CRYL1: variants seen among roughly 807,000 people sequenced by gnomAD.
CRYL1 encodes the protein crystallin lambda 1, also known as lambda-crystallin homolog.
CRYL1 carries 29 observed loss-of-function variants against 36.6 expected under a neutral mutation model. The ratio of observed to expected loss-of-function variants is 0.79; its 90% confidence interval spans 0.59 to 1.08. The LOEUF is 1.08. Ranked by LOEUF, CRYL1 falls within the 50% of genes least tolerant of loss-of-function variation. The pLI is 0.00. For missense variants in CRYL1, 411 were observed against 407.9 expected, an observed-to-expected ratio of 1.01 and a Z score of -0.06; for synonymous variants, 152 against 151.5, an observed-to-expected ratio of 1.00 and a Z score of -0.02.
At chr13:20,449,434 A>G (rs1423748222) in intron 3 of CRYL1, among the ~76,000 whole-genome samples, 1 of 152,240 alleles carries the variant, frequency 6.6e-6, no homozygotes, top group Non-Finnish European at 1.5e-5. Flanking sequence ...AAGATAAAAT[A>G]GAACCATAAA....
chr13:20,477,515 C>T (rs1175023877), intron 3 of CRYL1, among the ~76,000 whole-genome samples: 2 of 150,632 alleles, frequency 1.3e-5, no homozygotes, highest in African/African-American at 2.4e-5. Flanking sequence ...TTTACATGGG[C>T]GTCCTGAGGA....
At chr13:20,522,911 C>CTTTTT (rs386378385) in intron 1 of CRYL1, among the ~76,000 whole-genome samples, 2,756 of 82,932 alleles carry the variant, frequency 0.033, 350 homozygotes, top group Middle Eastern at 0.048. Flanking sequence ...CCCATTTCTA[C>CTTTTT]TTTTTTTTTT....
At chr13:20,470,969 TA>T (rs986269277) in intron 3 of CRYL1, among the ~76,000 whole-genome samples, 12 of 147,088 alleles carry the variant, frequency 8.2e-5, no homozygotes, top group East Asian at 3.9e-4. Context: ...AATCTTTCTT[TA>T]AAAAAAAATA....
intron 5 of CRYL1, among the ~76,000 whole-genome samples, chr13:20,430,025 C>T (rs1051163916): frequency 3.3e-5 from 5 of 152,088 alleles, no homozygotes; most frequent in African/African-American, 7.2e-5. Flanking sequence ...CATGCTCCCT[C>T]TCTGCCAGCC....
At position 20,437,545 on chromosome 13, in the gene CRYL1, A is replaced by G. The variant is rs557458051; in HGVS notation, c.438+2048T>C. Among the ~76,000 whole-genome samples the G allele has an allele frequency of 3.9e-5, 6 of 152,192 alleles. No individual in the cohort carries two copies. The South Asian group carries it at 1.0e-3, about 26-fold the overall frequency. On this transcript the variant is annotated intron_variant, in intron 4 of 7. Transcript: ENST00000298248. ...GATGGTTTCGATCTCCTGACCTCCT[A>G]ATCCACCCACCTCGGCCTCCCAAAG...
At chr13:20,507,669 A>G (rs908359522) in intron 2 of CRYL1, among the ~76,000 whole-genome samples, 3 of 152,366 alleles carry the variant, frequency 2.0e-5, no homozygotes, top group Middle Eastern at 3.4e-3. Context: ...CTGTAATCCC[A>G]GCACTTTGGG....
chr13:20,514,421 G>C (rs904215349), intron 1 of CRYL1, among the ~76,000 whole-genome samples: 2 of 152,170 alleles, frequency 1.3e-5, no homozygotes, highest in African/African-American at 4.8e-5. Flanking sequence ...CTAACGGAGG[G>C]ACATTCTACA....
At chr13:20,433,089 C>G (rs923261704) in intron 4 of CRYL1, among the ~76,000 whole-genome samples, 13 of 152,262 alleles carry the variant, frequency 8.5e-5, no homozygotes, top group African/African-American at 2.9e-4. Flanking sequence ...CCTTAAGTGT[C>G]TGCCTCTTCC....
chr13:20,404,550 C>A, intron 7 of CRYL1, 85 bp downstream of exon 7: 1 of 842,788 alleles, frequency 1.2e-6, no homozygotes, highest in Non-Finnish European at 2.0e-6. Flanking sequence ...CAGAGGCAGG[C>A]CCACCCGCTG....
At chr13:20,427,684 C>T (rs984450161) in intron 5 of CRYL1, among the ~76,000 whole-genome samples, 1 of 141,016 alleles carries the variant, frequency 7.1e-6, no homozygotes, top group Non-Finnish European at 1.5e-5. Flanking sequence ...GTGAGTGAGA[C>T]TGAAAACGGG....
chr13:20,484,415 C>A (rs982157723), intron 3 of CRYL1, among the ~76,000 whole-genome samples: 1 of 152,156 alleles, frequency 6.6e-6, no homozygotes, highest in Non-Finnish European at 1.5e-5. Context: ...CAAATGGTGA[C>A]TATCACAATT....
intron 1 of CRYL1, among the ~76,000 whole-genome samples, chr13:20,514,516 A>G (rs917781952): frequency 2.0e-5 from 3 of 152,236 alleles, no homozygotes; most frequent in Non-Finnish European, 4.4e-5. Flanking sequence ...TAGATGAGTC[A>G]AAAGAGAAAT....
intron 5 of CRYL1, among the ~76,000 whole-genome samples, chr13:20,420,707 G>GTTTTTTTTTTTTTT: frequency 3.4e-5 from 1 of 29,526 alleles, no homozygotes; most frequent in South Asian, 1.8e-3. Context: ...GAGGTTGTGT[G>GTTTTTTTTTTTTTT]TGTGTGTGTG....
At chr13:20,434,577 C>T (rs558655122) in intron 4 of CRYL1, among the ~76,000 whole-genome samples, 74 of 142,198 alleles carry the variant, frequency 5.2e-4, no homozygotes, top group African/African-American at 1.8e-3. Context: ...CCCCCACCCA[C>T]CCCTACCGCC....
At chr13:20,492,464 G>A (rs2033530891) in intron 2 of CRYL1, among the ~76,000 whole-genome samples, 1 of 152,156 alleles carries the variant, frequency 6.6e-6, no homozygotes, top group African/African-American at 2.4e-5. Context: ...CGTCAGCAGG[G>A]AACGCACTCT....
intron 3 of CRYL1, among the ~76,000 whole-genome samples, chr13:20,460,493 A>G (rs560635509): frequency 5.3e-4 from 78 of 148,324 alleles, no homozygotes; most frequent in African/African-American, 1.9e-3. Context: ...TGTCAGAGGC[A>G]AAAATAATAG....
Position 20,425,349 on chromosome 13 carries a change from C to T in CRYL1, c.633+6753G>A, listed in dbSNP as rs1372744288. Among the ~76,000 whole-genome samples the T allele has an allele frequency of 1.3e-5, 2 of 152,218 alleles. No individual in the cohort carries two copies. The highest frequency in any genetic ancestry group is 2.9e-5 in the Non-Finnish European group (2 of 68,034). On this transcript the variant is annotated intron_variant, in intron 5 of 7. Coordinates refer to ENST00000298248, the MANE Select transcript of CRYL1 (RefSeq NM_015974.3). This position sits in a 1 kb window ranked among gnomAD's most constrained non-coding sequence, Gnocchi z 4.4. Reference sequence around the variant, plus strand: ...GGAGTGCCCGCTTTGTGCTGATTCTCTTCCAGAGTCGACATCTGAATAACC... The same window carrying T: ...GGAGTGCCCGCTTTGTGCTGATTCTTTTCCAGAGTCGACATCTGAATAACC...
rs934653830 is a variant in CRYL1, at chr13:20,435,762, C to A, written c.439-3466G>T. Among the ~76,000 whole-genome samples, 2 of 152,220 alleles carry A rather than the reference C, an allele frequency of 1.3e-5. No individual in the cohort carries two copies. The highest frequency in any genetic ancestry group is 4.8e-5 in the African/African-American group (2 of 41,474). On this transcript the variant is annotated intron_variant, in intron 4 of 7. Coordinates refer to ENST00000298248, the MANE Select transcript of CRYL1 (RefSeq NM_015974.3). This position sits in a 1 kb window ranked among gnomAD's most constrained non-coding sequence, Gnocchi z 4.0. The stretch of plus-strand genomic sequence containing the variant: ...GCATTCTTCCCCGCCGCCCGGGCCC[C>A]ATGTGACCGCGCCGACAGCGCGGCT...
At chr13:20,519,040 C>T (rs2034050291) in intron 1 of CRYL1, among the ~76,000 whole-genome samples, 2 of 152,094 alleles carry the variant, frequency 1.3e-5, no homozygotes, top group African/African-American at 4.8e-5. Flanking sequence ...CTGTAAGTAT[C>T]CAGGTTCAGA....
Sources: gnomAD v4.1 joint callset for allele counts (sites outside exome capture counted in the v4.1 genomes callset) on GRCh38, gnomAD v4.1.1 for gene constraint, Gnocchi (gnomAD v3.1) non-coding constraint, MANE v1.5 for transcripts, NCBI Gene and HGNC (gene_info 2026-07-23, HGNC 2026-07-21) for gene names.